The following NCAM1 variants were observed in gnomAD, a reference collection of about 807,000 sequenced individuals.
The protein encoded by NCAM1 is antigen recognized by monoclonal antibody 5.1H11.
Under a neutral mutation model 109.8 loss-of-function variants are expected in NCAM1, and 14 were observed. The observed-to-expected ratio is 0.13, with a 90% CI of 0.08 to 0.20. The LOEUF (loss-of-function observed/expected upper bound fraction) is 0.20. NCAM1 is among the 10% of genes least tolerant of loss of function. NCAM1 has a pLI of 1.00. For missense variants in NCAM1, 774 were observed against 1,109.9 expected (o/e 0.70, Z 4.30); for synonymous variants, 418 against 442.9 (o/e 0.94, Z 0.70).
intron 1 of NCAM1, among the ~76,000 whole-genome samples, chr11:113,187,333 C>G (rs1943537037): frequency 6.6e-6 from 1 of 152,108 alleles, no homozygotes; most frequent in East Asian, 1.9e-4. Context: ...TGGCCTTTCC[C>G]CAAGGGTTCA....
At chr11:112,997,615 G>A (rs1352198290) in intron 1 of NCAM1, among the ~76,000 whole-genome samples, 7 of 151,958 alleles carry the variant, frequency 4.6e-5, no homozygotes, top group African/African-American at 7.2e-5. Flanking sequence ...TAAGATACAC[G>A]TTACCATATG....
At position 113,086,641 on chromosome 11, in the gene NCAM1, C is replaced by T. The variant is rs200446264; in HGVS notation, c.53-115738C>T. ...ACTGTCTCTTATTTATGTCTTTCAC[C>T]TCTAAAAGTGTCAGCCACACATTTT... On this transcript the variant is annotated intron_variant, in intron 1 of 19. Transcript: ENST00000316851. 1.5e-4 allele frequency among the ~76,000 whole-genome samples: 23 copies of T among 152,180 alleles called. No individual in the cohort carries two copies. In the East Asian group the frequency reaches 1.9e-3, roughly 13 times the overall value.
intron 17 of NCAM1, chr11:113,263,319 G>C (rs1422397193): frequency 9.9e-7 from 1 of 1,005,418 alleles, no homozygotes; most frequent in African/African-American, 1.7e-5. Flanking sequence ...GCTTGTGTCA[G>C]ATTGTTAAAA....
intron 1 of NCAM1, among the ~76,000 whole-genome samples, chr11:112,966,540 C>T (rs1335778925): frequency 6.6e-6 from 1 of 152,170 alleles, no homozygotes; most frequent in African/African-American, 2.4e-5. Context: ...TAATAGAATA[C>T]AGAAGTCAAT....
chr11:113,231,306 G>T (rs1944998418), intron 9 of NCAM1: 5 of 1,535,022 alleles, frequency 3.3e-6, no homozygotes, highest in Non-Finnish European at 4.4e-6. Context: ...TGCAATATCT[G>T]CTGGCCGGAG....
chr11:113,232,197 C>T lies in NCAM1; in HGVS notation c.1268C>T (p.Ala423Val). The T allele has an allele frequency of 6.2e-7, 1 of 1,610,176 alleles. No individual in the cohort carries two copies. The part of the protein sequence containing the change: ...QYAPKLQGPV[A>V]VYTWEGNQVN... ...GCCCCAAAGCTACAGGGCCCTGTGG[C>T]TGTGTACACTTGGGAGGGGAACCAG... The change falls in exon 11 of 20, where the codon GCT becomes GTT. Residue 423 changes from alanine to valine, a missense_variant. By Grantham distance (64) the Ala-to-Val change is moderately conservative (BLOSUM62 0). This residue lies in a region of NCAM1 where 523 missense variants were observed against 784.2 expected (regional missense o/e 0.67). Transcript: ENST00000316851.
chr11:112,968,059 CT>C (rs1950773896), intron 1 of NCAM1, among the ~76,000 whole-genome samples: 1 of 152,204 alleles, frequency 6.6e-6, no homozygotes. Context: ...TCTTTAGCAA[CT>C]ATCCTTTGGT....
intron 16 of NCAM1, among the ~76,000 whole-genome samples, chr11:113,259,179 G>T (rs1370569377): frequency 4.0e-5 from 6 of 149,720 alleles, no homozygotes; most frequent in African/African-American, 1.2e-4. Context: ...AGCCTCCCAA[G>T]TAGCTGGGAC....
At chr11:113,100,088 C>T (rs1555091236) in intron 1 of NCAM1, among the ~76,000 whole-genome samples, 1 of 152,160 alleles carries the variant, frequency 6.6e-6, no homozygotes, top group Non-Finnish European at 1.5e-5. Context: ...CTAAATTTTG[C>T]CTATTGTACT....
At position 113,233,683 on chromosome 11, in the gene NCAM1, GC is replaced by G. The variant is rs1945079176; in HGVS notation, c.1693+368del. Among the ~76,000 whole-genome samples the G allele has an allele frequency of 6.6e-6, 1 of 152,192 alleles. No individual in the cohort carries two copies. The highest frequency in any genetic ancestry group is 6.5e-5 in the Admixed American group (1 of 15,284). On this transcript the variant is annotated intron_variant, in intron 13 of 19. Coordinates refer to ENST00000316851, the MANE Select transcript of NCAM1 (RefSeq NM_181351.5). This position sits in a 1 kb window ranked among gnomAD's most constrained non-coding sequence, Gnocchi z 4.5. ...GAGTTACCTGTGCTGCAGGTTCTCT[GC>G]CGACACCCGGCCAGTCCTGCTTGGA...
intron 1 of NCAM1, among the ~76,000 whole-genome samples, chr11:113,095,320 G>A (rs1182302311): frequency 6.6e-6 from 1 of 152,174 alleles, no homozygotes; most frequent in East Asian, 1.9e-4. Flanking sequence ...GAATGCGTGT[G>A]TGTGTGTGTG....
intron 1 of NCAM1, among the ~76,000 whole-genome samples, chr11:113,152,808 A>C (rs1251837777): frequency 6.6e-6 from 1 of 152,236 alleles, no homozygotes; most frequent in East Asian, 1.9e-4. Context: ...AGGCAGAATG[A>C]AATTCTAGAG....
chr11:113,155,100 A>G (rs1304437468), intron 1 of NCAM1, among the ~76,000 whole-genome samples: 1 of 152,214 alleles, frequency 6.6e-6, no homozygotes, highest in Admixed American at 6.5e-5. Context: ...GATCCCAGGG[A>G]GGATGACATT....
At position 113,233,270 on chromosome 11, in the gene NCAM1, C is replaced by G; in HGVS notation, c.1646C>G (p.Ala549Gly). ...CTCAAATACAAAGCTGAGTGGAGAG[C>G]AGTTGGTGAAGAAGTATGGCATTCC... is the stretch of plus-strand genomic sequence containing the variant. Reference protein sequence around the residue: ...PILKYKAEWRAVGEEVWHSKW... With the variant: ...PILKYKAEWRGVGEEVWHSKW... The change falls in exon 13 of 20, where the codon GCA (alanine) becomes GGA (glycine). Residue 549 changes from alanine (A) to glycine (G), a missense_variant. Ala to Gly is a moderately conservative substitution (Grantham distance 60). Coordinates refer to ENST00000316851, the MANE Select transcript of NCAM1 (RefSeq NM_181351.5). The surrounding 1 kb of genome is among the most constrained non-coding windows in gnomAD (Gnocchi z 4.5). 2 of 1,613,742 alleles carry G rather than the reference C, an allele frequency of 1.2e-6. No individual in the cohort carries two copies. Among genetic ancestry groups the G allele is most frequent in the Non-Finnish European group, 1.7e-6 (2 of 1,179,822 alleles).
intron 1 of NCAM1, among the ~76,000 whole-genome samples, chr11:113,088,412 C>A (rs1203358707): frequency 6.6e-6 from 1 of 152,200 alleles, no homozygotes; most frequent in African/African-American, 2.4e-5. Context: ...AAGAAACAAT[C>A]ATTTACCCAG....
chr11:113,088,517 A>T (rs1939189861), intron 1 of NCAM1, among the ~76,000 whole-genome samples: 1 of 138,176 alleles, frequency 7.2e-6, no homozygotes, highest in Non-Finnish European at 1.6e-5. Context: ...CCCCTGCCCC[A>T]CTCAACCATT....
intron 1 of NCAM1, among the ~76,000 whole-genome samples, chr11:113,073,470 T>C (rs1938387439): frequency 6.6e-6 from 1 of 152,176 alleles, no homozygotes; most frequent in African/African-American, 2.4e-5. Flanking sequence ...TCTATGGGAA[T>C]GTGTCTGCCT....
intron 1 of NCAM1, among the ~76,000 whole-genome samples, chr11:113,023,083 G>A (rs11214464): frequency 0.014 from 2,061 of 152,262 alleles, 22 homozygotes; most frequent in Admixed American, 0.029. Flanking sequence ...TAAGAAACAA[G>A]TGAATATCAA....
At chr11:113,030,211 C>T (rs1242023900) in intron 1 of NCAM1, among the ~76,000 whole-genome samples, 6 of 152,162 alleles carry the variant, frequency 3.9e-5, no homozygotes, top group African/African-American at 1.4e-4. Context: ...AGCAGCTAAC[C>T]CAATGCCTGG....
Sources: allele counts gnomAD v4.1 joint callset (sites outside exome capture counted in the v4.1 genomes callset), GRCh38; gene constraint gnomAD v4.1.1; regional missense constraint gnomAD v4.1.1; non-coding constraint Gnocchi (gnomAD v3.1); transcripts MANE v1.5; gene names NCBI Gene and HGNC (gene_info 2026-07-23, HGNC 2026-07-21).